ARHGAP15: variants seen among roughly 807,000 people sequenced by gnomAD.
ARHGAP15 encodes rho GTPase-activating protein 15.
In ARHGAP15, 51 loss-of-function variants were observed where a neutral mutation model predicts 63.7. That is an observed-to-expected ratio of 0.80 (90% CI 0.64 to 1.01). The LOEUF (loss-of-function observed/expected upper bound fraction) is 1.01, where lower values mean the gene tolerates loss of function less well. ARHGAP15 is among the 50% of genes least tolerant of loss of function. The pLI is 0.00. For synonymous variants in ARHGAP15, 191 were observed against 193.8 expected, an observed-to-expected ratio of 0.99 and a Z score of 0.12; for missense variants, 560 against 564.6, an observed-to-expected ratio of 0.99 and a Z score of 0.08.
intron 9 of ARHGAP15, among the ~76,000 whole-genome samples, chr2:143,515,080 C>T (rs969863041): frequency 6.6e-6 from 1 of 151,592 alleles, no homozygotes; most frequent in Non-Finnish European, 1.5e-5. Flanking sequence ...ACAGTGATTA[C>T]ACCTATCACA....
intron 11 of ARHGAP15, among the ~76,000 whole-genome samples, chr2:143,617,654 C>T (rs759959467): frequency 6.6e-6 from 1 of 152,126 alleles, no homozygotes; most frequent in Non-Finnish European, 1.5e-5. Context: ...AAGACTTCAA[C>T]GTTTGATTTT....
intron 13 of ARHGAP15, among the ~76,000 whole-genome samples, chr2:143,756,410 G>A (rs1686578182): frequency 6.6e-6 from 1 of 152,056 alleles, no homozygotes; most frequent in Admixed American, 6.5e-5. Flanking sequence ...ACTAATTCAG[G>A]TAGAAAATAA....
intron 13 of ARHGAP15, among the ~76,000 whole-genome samples, chr2:143,762,678 G>A (rs1686802036): frequency 6.6e-6 from 1 of 151,894 alleles, no homozygotes; most frequent in East Asian, 1.9e-4. Flanking sequence ...ATTTAGGGAG[G>A]ACACAAGTTA....
intron 9 of ARHGAP15, among the ~76,000 whole-genome samples, chr2:143,503,182 A>G (rs1280875705): frequency 6.6e-6 from 1 of 152,238 alleles, no homozygotes; most frequent in Non-Finnish European, 1.5e-5. Context: ...GGAGAAAGAG[A>G]TACTACAGCA....
intron 12 of ARHGAP15, among the ~76,000 whole-genome samples, chr2:143,632,788 G>A (rs1192136169): frequency 6.6e-6 from 1 of 152,102 alleles, no homozygotes; most frequent in Non-Finnish European, 1.5e-5. Flanking sequence ...ATTGTGGGGG[G>A]AAAAGCCAGT....
At chr2:143,161,264 A>C (rs1420812041) in intron 2 of ARHGAP15, among the ~76,000 whole-genome samples, 3 of 151,948 alleles carry the variant, frequency 2.0e-5, no homozygotes. Context: ...AGAGGGGAGA[A>C]AAACAGGCTA....
chr2:143,404,108 A>AAAGG (rs764057092), intron 6 of ARHGAP15, among the ~76,000 whole-genome samples: 4 of 151,894 alleles, frequency 2.6e-5, no homozygotes, highest in Admixed American at 6.6e-5. Flanking sequence ...TCAGTTGTTA[A>AAAGG]AAGGAAGGGA....
intron 11 of ARHGAP15, chr2:143,598,081 G>T (rs1458863681): frequency 6.6e-6 from 1 of 151,960 alleles, no homozygotes; most frequent in Non-Finnish European, 1.5e-5. Flanking sequence ...TTGCATTGAG[G>T]GTTGTTTCCA....
intron 8 of ARHGAP15, among the ~76,000 whole-genome samples, chr2:143,454,573 G>T (rs1690559333): frequency 6.6e-6 from 1 of 151,984 alleles, no homozygotes; most frequent in African/African-American, 2.4e-5. Context: ...GGTGTATGAG[G>T]CAACTCAGGC....
At chr2:143,521,218 C>T (rs1001174443) in intron 10 of ARHGAP15, among the ~76,000 whole-genome samples, 4 of 152,122 alleles carry the variant, frequency 2.6e-5, no homozygotes, top group African/African-American at 9.7e-5. Flanking sequence ...TTCCACAAAG[C>T]AACTGATAAT....
At position 143,356,610 on chromosome 2, in the gene ARHGAP15, TA is replaced by T. The variant is rs142898709; in HGVS notation, c.475-78988del. The stretch of plus-strand genomic sequence containing the variant: ...TCTTTGATAAGTTTATTTCCCAAAA[TA>T]AAGCATTGGCCCCAACTCCCTGAAG... On this transcript the variant is annotated intron_variant, in intron 6 of 13. Transcript: ENST00000295095. Among the ~76,000 whole-genome samples the T allele has an allele frequency of 2.1e-3, 321 of 152,234 alleles. 1 individual carries two copies. The highest frequency in any genetic ancestry group is 7.5e-3 in the African/African-American group (313 of 41,546).
chr2:143,213,281 A>T (rs550341336), intron 3 of ARHGAP15, among the ~76,000 whole-genome samples: 87 of 152,284 alleles, frequency 5.7e-4, no homozygotes, highest in African/African-American at 2.0e-3. Context: ...TGGGAGGCCG[A>T]GGTGGGTGGA....
rs140250762 is a variant in ARHGAP15, at chr2:143,694,294, A to C, written c.1139-9125A>C. On this transcript the variant is annotated intron_variant, in intron 12 of 13. Coordinates refer to ENST00000295095, the MANE Select transcript of ARHGAP15 (RefSeq NM_018460.4). ...AAATGTGACTATGTGATTTATAATG[A>C]GAAAAGGTATCTACAACATACAATT... Among the ~76,000 whole-genome samples the C allele has an allele frequency of 2.0e-5, 3 of 152,306 alleles. No individual in the cohort carries two copies. The East Asian group carries it at 5.8e-4, about 29-fold the overall frequency.
intron 6 of ARHGAP15, among the ~76,000 whole-genome samples, chr2:143,360,180 A>G (rs919505216): frequency 3.3e-5 from 5 of 151,740 alleles, no homozygotes; most frequent in African/African-American, 1.2e-4. Context: ...GGAGTTAGGA[A>G]CCAGCCTGAT....
chr2:143,617,011 T>C (rs1476422439), intron 11 of ARHGAP15, among the ~76,000 whole-genome samples: 4 of 152,194 alleles, frequency 2.6e-5, no homozygotes, highest in African/African-American at 7.2e-5. Flanking sequence ...AGAATGAATA[T>C]GAAAACGGCA....
chr2:143,657,158 A>T (rs926417703), intron 12 of ARHGAP15, among the ~76,000 whole-genome samples: 6 of 152,170 alleles, frequency 3.9e-5, no homozygotes, highest in Non-Finnish European at 7.3e-5. Flanking sequence ...CATCCTGGCT[A>T]ACACGGTGAA....
At chr2:143,748,167 A>ATGT (rs1192514756) in intron 13 of ARHGAP15, among the ~76,000 whole-genome samples, 1 of 152,204 alleles carries the variant, frequency 6.6e-6, no homozygotes, top group Non-Finnish European at 1.5e-5. Flanking sequence ...CTACAACACT[A>ATGT]TGTTGTCTTC....
chr2:143,560,694 C>T (rs1430760492), intron 11 of ARHGAP15, among the ~76,000 whole-genome samples: 2 of 152,202 alleles, frequency 1.3e-5, no homozygotes, highest in Non-Finnish European at 2.9e-5. Flanking sequence ...TAAAATTGTT[C>T]AAGAGCTATT....
intron 4 of ARHGAP15, among the ~76,000 whole-genome samples, chr2:143,216,902 T>C (rs1196704458): frequency 1.3e-5 from 2 of 152,066 alleles, no homozygotes; most frequent in Non-Finnish European, 2.9e-5. Flanking sequence ...GAGAGAAATT[T>C]GAAAAGGGAA....
Sources: gnomAD v4.1 joint callset for allele counts (sites outside exome capture counted in the v4.1 genomes callset) on GRCh38, gnomAD v4.1.1 for gene constraint, MANE v1.5 for transcripts, NCBI Gene and HGNC (gene_info 2026-07-23, HGNC 2026-07-21) for gene names.